The following ASTN2 variants were observed in gnomAD, a reference collection of about 807,000 sequenced individuals.
The protein encoded by ASTN2 is astrotactin-2.
ASTN2 carries 54 observed loss-of-function variants against 139.8 expected under a neutral mutation model. The ratio of observed to expected loss-of-function variants is 0.39; its 90% confidence interval spans 0.31 to 0.48. The LOEUF is 0.48. Ranked by LOEUF, ASTN2 falls within the 20% of genes least tolerant of loss-of-function variation. The pLI, the probability that ASTN2 is intolerant of heterozygous loss-of-function variation, is 0.95. For missense variants in ASTN2, 1,565 were observed against 1,725.1 expected (o/e 0.91, Z 1.64); for synonymous variants, 756 against 719.5 (o/e 1.05, Z -0.81).
Position 117,291,440 on chromosome 9 carries a change from G to A in ASTN2, c.516C>T (p.Tyr172=), listed in dbSNP as rs770397031. The A allele has an allele frequency of 1.1e-5, 17 of 1,614,070 alleles. No individual in the cohort carries two copies. The highest frequency in any genetic ancestry group is 1.3e-5 in the African/African-American group (1 of 74,950). ...CGGAGCTGCTCATGGAGACGTGGAA[G>A]TACAAGGTGCCATTCTCCAGCCACT... is the stretch of plus-strand genomic sequence containing the variant. ...RQQWLENGTL[Y]FHVSMSSSGQ... is the part of the protein sequence containing the mutation. Residue 172 remains tyrosine, a synonymous_variant, in exon 2 of 23, where the codon TAC becomes TAT. Coordinates refer to ENST00000313400, the MANE Select transcript of ASTN2 (RefSeq NM_001365068.1).
At chr9:116,843,309 T>C (rs892550017) in intron 11 of ASTN2, among the ~76,000 whole-genome samples, 5 of 152,194 alleles carry the variant, frequency 3.3e-5, no homozygotes, top group African/African-American at 1.2e-4. Context: ...GAGGCCATTA[T>C]CCTAAGCTAA....
chr9:116,842,107 A>G (rs764115692), intron 11 of ASTN2, among the ~76,000 whole-genome samples: 2 of 152,212 alleles, frequency 1.3e-5, no homozygotes, highest in Non-Finnish European at 2.9e-5. Flanking sequence ...CTAGTGTAAC[A>G]CAGAGATTCT....
intron 2 of ASTN2, among the ~76,000 whole-genome samples, chr9:117,276,572 G>C (rs955840858): frequency 4.4e-4 from 67 of 152,330 alleles, no homozygotes; most frequent in African/African-American, 1.4e-3. Context: ...TTCATTAGGG[G>C]AACATCAGGA....
chr9:117,064,638 T>C (rs890452861), intron 5 of ASTN2, among the ~76,000 whole-genome samples: 12 of 152,104 alleles, frequency 7.9e-5, no homozygotes, highest in Non-Finnish European at 8.8e-5. Flanking sequence ...ATAATAGACA[T>C]TGGAGACTCC....
intron 4 of ASTN2, among the ~76,000 whole-genome samples, chr9:117,123,624 GA>G (rs1829614552): frequency 6.6e-6 from 1 of 152,136 alleles, no homozygotes; most frequent in Non-Finnish European, 1.5e-5. Flanking sequence ...CTGAATGTAA[GA>G]GGCTGTATTT....
intron 19 of ASTN2, among the ~76,000 whole-genome samples, chr9:116,605,555 C>T (rs1445336159): frequency 6.6e-6 from 1 of 152,070 alleles, no homozygotes; most frequent in Non-Finnish European, 1.5e-5. Context: ...CCCTTCTTGT[C>T]CTCACTCTTC....
At chr9:117,256,487 G>A (rs929159400) in intron 2 of ASTN2, among the ~76,000 whole-genome samples, 10 of 152,172 alleles carry the variant, frequency 6.6e-5, no homozygotes, top group African/African-American at 1.9e-4. Flanking sequence ...GGTAAAGCAA[G>A]TGAGGCTTAG....
intron 10 of ASTN2, among the ~76,000 whole-genome samples, chr9:116,972,385 G>A (rs572614777): frequency 4.0e-4 from 61 of 151,676 alleles, no homozygotes; most frequent in Non-Finnish European, 6.6e-4. Context: ...CTACTTTTTC[G>A]CTGATGGGTA....
rs992114760 is a variant in ASTN2 at position 117,368,585 on chromosome 9, C to G, written c.442+45912G>C. The stretch of plus-strand genomic sequence containing the variant: ...TTTTTCCATTATCATTGAGTTAACA[C>G]ACAGGGGTGAGAGACAGTATCCTAA... On this transcript the variant is annotated intron_variant, in intron 1 of 22. Coordinates refer to ENST00000313400, the MANE Select transcript of ASTN2 (RefSeq NM_001365068.1). 5.3e-5 allele frequency among the ~76,000 whole-genome samples: 8 copies of G among 152,114 alleles called. 1 individual carries two copies. The highest frequency in any genetic ancestry group is 1.4e-4 in the African/African-American group (6 of 41,428).
chr9:116,940,847 G>C (rs1386566933), intron 10 of ASTN2, among the ~76,000 whole-genome samples: 1 of 151,958 alleles, frequency 6.6e-6, no homozygotes, highest in African/African-American at 2.4e-5. Context: ...CTCTACTCAT[G>C]GTAAGTGCCC....
At chr9:116,537,793 G>A (rs987283178) in intron 19 of ASTN2, among the ~76,000 whole-genome samples, 1 of 152,182 alleles carries the variant, frequency 6.6e-6, no homozygotes, top group Non-Finnish European at 1.5e-5. Flanking sequence ...AACCTCTAGA[G>A]ATAGGTACTA....
chr9:116,598,430 A>C (rs891805832), intron 19 of ASTN2, among the ~76,000 whole-genome samples: 1 of 152,184 alleles, frequency 6.6e-6, no homozygotes, highest in African/African-American at 2.4e-5. Context: ...CTGTGAAAAG[A>C]GGGGGTTGGC....
chr9:117,241,962 T>C (rs918998776), intron 2 of ASTN2, among the ~76,000 whole-genome samples: 1 of 147,764 alleles, frequency 6.8e-6, no homozygotes, highest in Non-Finnish European at 1.5e-5. Flanking sequence ...CACCCCTATA[T>C]TTTCATATGA....
At chr9:117,357,669 G>T (rs1424878344) in intron 1 of ASTN2, among the ~76,000 whole-genome samples, 1 of 152,082 alleles carries the variant, frequency 6.6e-6, no homozygotes, top group Non-Finnish European at 1.5e-5. Flanking sequence ...TGGAACCACA[G>T]GAGATTGGAA....
At chr9:116,442,314 C>T (rs1363024642) in intron 21 of ASTN2, 139 bp downstream of exon 21, 4 of 717,508 alleles carry the variant, frequency 5.6e-6, no homozygotes, top group Non-Finnish European at 1.0e-5. Flanking sequence ...CCTCCTGTTC[C>T]CTTAGTGCCT....
chr9:117,347,307 C>T (rs1401002592), intron 1 of ASTN2, among the ~76,000 whole-genome samples: 1 of 151,970 alleles, frequency 6.6e-6, no homozygotes, highest in African/African-American at 2.4e-5. Flanking sequence ...ATACTGATAG[C>T]GCACACATAG....
At chr9:117,025,558 A>G (rs1005277582) in intron 6 of ASTN2, among the ~76,000 whole-genome samples, 4 of 152,038 alleles carry the variant, frequency 2.6e-5, no homozygotes, top group African/African-American at 7.2e-5. Flanking sequence ...GGTCATGTTA[A>G]CACTCATGTG....
intron 10 of ASTN2, among the ~76,000 whole-genome samples, chr9:116,969,468 G>A (rs1042683004): frequency 3.3e-5 from 5 of 152,168 alleles, no homozygotes; most frequent in Admixed American, 6.5e-5. Flanking sequence ...CATTGGGAAA[G>A]GGGGCATCTC....
chr9:116,684,746 G>A (rs1255744763), intron 16 of ASTN2, among the ~76,000 whole-genome samples: 1 of 152,158 alleles, frequency 6.6e-6, no homozygotes, highest in African/African-American at 2.4e-5. Flanking sequence ...GCAATCGACA[G>A]CCTTTTCCCA....
Sources: gnomAD v4.1 joint callset for allele counts (sites outside exome capture counted in the v4.1 genomes callset) on GRCh38, gnomAD v4.1.1 for gene constraint, MANE v1.5 for transcripts, NCBI Gene and HGNC (gene_info 2026-07-23, HGNC 2026-07-21) for gene names.